The following NBEAL1 variants were observed in gnomAD, a reference collection of about 807,000 sequenced individuals.
The protein encoded by NBEAL1 is neurobeachin-like protein 1.
Under a neutral mutation model 351.3 loss-of-function variants are expected in NBEAL1, and 273 were observed. That is an observed-to-expected ratio of 0.78 (90% confidence interval 0.70 to 0.86). The LOEUF (loss-of-function observed/expected upper bound fraction) is 0.86. Ranked by LOEUF, NBEAL1 falls within the 40% of genes least tolerant of loss-of-function variation. The pLI, the probability that NBEAL1 is intolerant of heterozygous loss-of-function variation, is 0.00. For synonymous variants in NBEAL1, 1,050 were observed against 1,086.4 expected, an observed-to-expected ratio of 0.97 and a Z score of 0.66; for missense variants, 2,961 against 3,201.3, an observed-to-expected ratio of 0.92 and a Z score of 1.81.
intron 51 of NBEAL1, among the ~76,000 whole-genome samples, chr2:203,207,218 C>T (rs1203893597): frequency 6.6e-6 from 1 of 151,306 alleles, no homozygotes; most frequent in Non-Finnish European, 1.5e-5. Context: ...AGCCCCTCCG[C>T]CTGGCAGCCA....
rs200177115 is a variant in NBEAL1 at position 203,186,165 on chromosome 2, T to G, written c.6706-2307T>G. On this transcript the variant is annotated intron_variant, in intron 44 of 55. Coordinates refer to ENST00000683969, the MANE Select transcript of NBEAL1 (RefSeq NM_001378026.1). Reference sequence around the variant, plus strand: ...CTGCAAAAACAAATGGATGTGGCTGTGTTCTACTACTACTCTACAAATCTG... The same window carrying G: ...CTGCAAAAACAAATGGATGTGGCTGGGTTCTACTACTACTCTACAAATCTG... Among the ~76,000 whole-genome samples, 832 of 152,344 alleles carry G rather than the reference T, an allele frequency of 5.5e-3. 10 individuals are homozygous for G. The highest frequency in any genetic ancestry group is 0.019 in the African/African-American group (773 of 41,582).
intron 2 of NBEAL1, among the ~76,000 whole-genome samples, chr2:203,022,178 A>C (rs1210049755): frequency 6.6e-6 from 1 of 152,196 alleles, no homozygotes; most frequent in Non-Finnish European, 1.5e-5. Context: ...TGCTGCAGTT[A>C]GTTGGTCACT....
At chr2:203,031,681 A>G (rs760718169) in intron 2 of NBEAL1, among the ~76,000 whole-genome samples, 1 of 152,250 alleles carries the variant, frequency 6.6e-6, no homozygotes, top group Non-Finnish European at 1.5e-5. Flanking sequence ...AAAAAGAAAT[A>G]GACTATCTTG....
At chr2:203,097,129 T>C (rs2062202468) in intron 10 of NBEAL1, among the ~76,000 whole-genome samples, 1 of 152,128 alleles carries the variant, frequency 6.6e-6, no homozygotes, top group Admixed American at 6.5e-5. Context: ...AACCATCAGA[T>C]CTAATGAGAC....
rs1325862191 is a variant in NBEAL1 at position 203,222,162 on chromosome 2, A to C, written c.*4808A>C. 6.6e-6 allele frequency among the ~76,000 whole-genome samples: 1 copy of C among 152,252 alleles called. No homozygotes were observed. The highest frequency in any genetic ancestry group is 1.5e-5 in the Non-Finnish European group (1 of 68,040). ...TGATTGCACCACTGCACTTCAGCCT[A>C]GGTGGCAGAGTTAGACCCTGTCTCC... On this transcript the variant is annotated 3_prime_UTR_variant, in exon 56 of 56. Coordinates refer to ENST00000683969, the MANE Select transcript of NBEAL1 (RefSeq NM_001378026.1).
chr2:203,112,914 T>C, intron 16 of NBEAL1, 101 bp from the exon 17 acceptor site: 3 of 1,123,428 alleles, frequency 2.7e-6, no homozygotes, highest in Non-Finnish European at 3.6e-6. Context: ...TTTCAATGTA[T>C]TTATTTGTGT....
chr2:203,052,719 G>GTTATTATTTAT (rs1553601931), intron 4 of NBEAL1, among the ~76,000 whole-genome samples: 1 of 145,408 alleles, frequency 6.9e-6, no homozygotes, highest in African/African-American at 2.5e-5. Flanking sequence ...ACCATGCCCA[G>GTTATTATTTAT]TTATTTATTT....
At chr2:203,072,964 G>T (rs1370940264) in intron 7 of NBEAL1, among the ~76,000 whole-genome samples, 1 of 152,154 alleles carries the variant, frequency 6.6e-6, no homozygotes, top group African/African-American at 2.4e-5. Context: ...GTTAGGCAGG[G>T]TTCTCTTTTC....
At chr2:203,166,122 C>T in intron 36 of NBEAL1, 27 bp from the exon 37 acceptor site, 1 of 1,504,218 alleles carries the variant, frequency 6.6e-7, no homozygotes, top group Non-Finnish European at 8.9e-7. Flanking sequence ...TTGAATTTTT[C>T]TGTTTATTGG....
chr2:203,157,938 C>T (rs2063839629), intron 36 of NBEAL1, 113 bp downstream of exon 36: 2 of 755,256 alleles, frequency 2.6e-6, no homozygotes, highest in East Asian at 3.2e-5. Context: ...ACAGTTAATG[C>T]TGTATCAGCT....
At chr2:203,123,594 A>G (rs905200268) in intron 19 of NBEAL1, among the ~76,000 whole-genome samples, 2 of 152,128 alleles carry the variant, frequency 1.3e-5, no homozygotes, top group Non-Finnish European at 2.9e-5. Flanking sequence ...TTGGCCTCTC[A>G]AAGTGCTGGG....
At chr2:203,196,928 A>G (rs1041350572) in intron 47 of NBEAL1, among the ~76,000 whole-genome samples, 2 of 152,090 alleles carry the variant, frequency 1.3e-5, no homozygotes, top group Admixed American at 1.3e-4. Flanking sequence ...ATTATGACCA[A>G]TTTTCTCATT....
intron 55 of NBEAL1, among the ~76,000 whole-genome samples, chr2:203,216,970 A>C (rs945745509): frequency 1.3e-5 from 2 of 151,976 alleles, no homozygotes; most frequent in Non-Finnish European, 2.9e-5. Context: ...TGTTGGGCTA[A>C]TTTTTGTATC....
chr2:203,057,169 C>T (rs1460538110), intron 5 of NBEAL1, among the ~76,000 whole-genome samples, 157 bp from the exon 6 acceptor site: 2 of 152,016 alleles, frequency 1.3e-5, no homozygotes. Context: ...TTAAAGCTAT[C>T]GTAGGACATA....
chr2:203,046,991 A>G (rs2061238554), intron 3 of NBEAL1, among the ~76,000 whole-genome samples: 1 of 152,146 alleles, frequency 6.6e-6, no homozygotes, highest in Admixed American at 6.5e-5. Context: ...CCTGACCAAC[A>G]TGGAGAAACC....
At chr2:203,145,408 G>C (rs185573349) in intron 33 of NBEAL1, among the ~76,000 whole-genome samples, 6 of 152,264 alleles carry the variant, frequency 3.9e-5, no homozygotes, top group Admixed American at 6.5e-5. Context: ...CTCTAAGGAG[G>C]CTGGATACAT....
intron 2 of NBEAL1, among the ~76,000 whole-genome samples, chr2:203,039,264 CCCTTCCCTTCCCTTCCCTTT>C (rs2061092525): frequency 1.9e-5 from 1 of 53,262 alleles, no homozygotes; most frequent in African/African-American, 8.0e-5. Context: ...CCCTTCCCTT[CCCTTCCCTTCCCTTCCCTTT>C]CGCTTCCCCT....
At chr2:203,060,687 A>T (rs1243662685) in intron 6 of NBEAL1, among the ~76,000 whole-genome samples, 2 of 152,220 alleles carry the variant, frequency 1.3e-5, no homozygotes, top group Non-Finnish European at 2.9e-5. Context: ...AAAAGCACAG[A>T]GACCCTCTTT....
Position 203,126,006 on chromosome 2 carries a change from G to A in NBEAL1, c.2898G>A (p.Val966=). The A allele has an allele frequency of 6.5e-7, 1 of 1,544,538 alleles. No individual in the cohort carries two copies. Among genetic ancestry groups the A allele is most frequent in the Non-Finnish European group, 8.7e-7 (1 of 1,144,110 alleles). The change falls in exon 21 of 56, where the codon GTG becomes GTA. Residue 966 remains valine (V), a synonymous_variant. Transcript: ENST00000683969. ...TAGTTGCAACATTTATCTTAATTGTGAAACATTTTATTCAGAGACATCCTA... is the reference window on the plus strand; with the variant it reads ...TAGTTGCAACATTTATCTTAATTGTAAAACATTTTATTCAGAGACATCCTA... ...RNLVATFILI[V]KHFIQRHPIN...
Sources: allele counts gnomAD v4.1 joint callset (sites outside exome capture counted in the v4.1 genomes callset), GRCh38; gene constraint gnomAD v4.1.1; transcripts MANE v1.5; gene names NCBI Gene and HGNC (gene_info 2026-07-23, HGNC 2026-07-21).